Variants in GRIK4 observed in about 807,000 individuals in gnomAD.
GRIK4 encodes glutamate receptor ionotropic, kainate 4.
A neutral mutation model predicts 104.9 loss-of-function variants in GRIK4; 40 were observed. That is an observed-to-expected ratio of 0.38 (90% CI 0.30 to 0.50). The LOEUF (loss-of-function observed/expected upper bound fraction) is 0.50. Among genes scored for constraint, GRIK4 ranks in the 20% least tolerant of loss-of-function variants. The probability of loss-of-function intolerance (pLI) is 0.93; values close to 1 mark genes in which losing one functional copy is unlikely to be tolerated. For missense variants in GRIK4, 1,047 were observed against 1,308.1 expected (o/e 0.80, Z 3.08); for synonymous variants, 485 against 524.9 (o/e 0.92, Z 1.04).
At chr11:120,854,311 C>A (rs1413602645) in intron 8 of GRIK4, among the ~76,000 whole-genome samples, 2 of 152,192 alleles carry the variant, frequency 1.3e-5, no homozygotes, top group African/African-American at 2.4e-5. Flanking sequence ...TGAAACCCCA[C>A]TGTTAAGGGG....
rs144670857 is a variant in GRIK4, at chr11:120,556,395, A to T, written c.-159+44508A>T. Among the ~76,000 whole-genome samples the T allele has an allele frequency of 2.3e-3, 348 of 152,244 alleles. 2 individuals carry two copies. The highest frequency in any genetic ancestry group is 7.5e-3 in the African/African-American group (312 of 41,522). ...TCCACTCCCCCAGTCTGTTCTTCAC[A>T]TCACAGCCAGAGTAAAGCTTTTAAA... On this transcript the variant is annotated intron_variant, in intron 1 of 20. Coordinates refer to ENST00000527524, the MANE Select transcript of GRIK4 (RefSeq NM_014619.5).
At chr11:120,559,634 G>T (rs1021551992) in intron 1 of GRIK4, among the ~76,000 whole-genome samples, 3 of 152,132 alleles carry the variant, frequency 2.0e-5, no homozygotes, top group Non-Finnish European at 4.4e-5. Context: ...ATTACTCAGG[G>T]TCATTATTAT....
At chr11:120,537,127 G>C (rs1237736087) in intron 1 of GRIK4, among the ~76,000 whole-genome samples, 3 of 152,216 alleles carry the variant, frequency 2.0e-5, no homozygotes, top group Non-Finnish European at 4.4e-5. Context: ...AAAAGACAGA[G>C]GACTCAGGGT....
intron 1 of GRIK4, among the ~76,000 whole-genome samples, chr11:120,526,278 C>T (rs144454834): frequency 2.4e-4 from 36 of 152,224 alleles, no homozygotes; most frequent in African/African-American, 7.5e-4. Context: ...CTCCATCTCC[C>T]GGGCTCAGGG....
chr11:120,636,540 C>T (rs1361085723), intron 1 of GRIK4, among the ~76,000 whole-genome samples: 2 of 152,086 alleles, frequency 1.3e-5, no homozygotes, highest in Non-Finnish European at 2.9e-5. Flanking sequence ...GGATTCTTCC[C>T]TAGAAAGACT....
intron 3 of GRIK4, among the ~76,000 whole-genome samples, chr11:120,745,861 C>T (rs1201868779): frequency 1.3e-5 from 2 of 152,172 alleles, no homozygotes; most frequent in Admixed American, 6.5e-5. Context: ...GAGAGGTGTT[C>T]AGGAGGGTAG....
intron 1 of GRIK4, among the ~76,000 whole-genome samples, chr11:120,512,483 C>G (rs1024801351): frequency 4.6e-5 from 7 of 152,088 alleles, no homozygotes; most frequent in Admixed American, 2.6e-4. Context: ...CCACACCCCC[C>G]CACCCTGCAC....
At chr11:120,982,867 CCG>C (rs1306062590) in intron 20 of GRIK4, among the ~76,000 whole-genome samples, 3 of 152,206 alleles carry the variant, frequency 2.0e-5, no homozygotes, top group Admixed American at 2.0e-4. Context: ...CCCTGGAAGT[CCG>C]TGGAGTCTGG....
intron 3 of GRIK4, among the ~76,000 whole-genome samples, chr11:120,741,440 A>G (rs1303056205): frequency 6.6e-6 from 1 of 151,704 alleles, no homozygotes; most frequent in African/African-American, 2.4e-5. Context: ...CACCACGCCC[A>G]GCTAATTTTT....
chr11:120,910,298 T>C (rs1353256414), intron 13 of GRIK4, among the ~76,000 whole-genome samples: 1 of 152,226 alleles, frequency 6.6e-6, no homozygotes, highest in Admixed American at 6.5e-5. Flanking sequence ...TCAAGCATAT[T>C]TTCTGCATAT....
intron 1 of GRIK4, among the ~76,000 whole-genome samples, chr11:120,622,995 C>T (rs1168759890): frequency 4.6e-5 from 7 of 152,192 alleles, no homozygotes; most frequent in Admixed American, 3.3e-4. Flanking sequence ...TCATGTGGGT[C>T]GCCTTTTAAC....
chr11:120,531,004 C>A (rs896092183), intron 1 of GRIK4, among the ~76,000 whole-genome samples: 3 of 152,238 alleles, frequency 2.0e-5, no homozygotes, highest in Non-Finnish European at 4.4e-5. Flanking sequence ...AGTTTCCTCT[C>A]TGCAGAGTGG....
At chr11:120,527,532 A>G (rs954837153) in intron 1 of GRIK4, among the ~76,000 whole-genome samples, 2 of 152,122 alleles carry the variant, frequency 1.3e-5, no homozygotes, top group Non-Finnish European at 2.9e-5. Flanking sequence ...CTGGGGATTT[A>G]TCTCCTCCCA....
At chr11:120,861,392 GCCACTGCAC>G (rs1954260189) in intron 8 of GRIK4, among the ~76,000 whole-genome samples, 1 of 152,124 alleles carries the variant, frequency 6.6e-6, no homozygotes, top group South Asian at 2.1e-4. Context: ...ATGAGCGTGA[GCCACTGCAC>G]CCGGCCCTAT....
At chr11:120,745,856 G>A (rs895258851) in intron 3 of GRIK4, among the ~76,000 whole-genome samples, 1 of 152,198 alleles carries the variant, frequency 6.6e-6, no homozygotes, top group African/African-American at 2.4e-5. Flanking sequence ...GACTTGAGAG[G>A]TGTTCAGGAG....
intron 2 of GRIK4, among the ~76,000 whole-genome samples, chr11:120,657,645 G>T: frequency 6.6e-6 from 1 of 152,222 alleles, no homozygotes; most frequent in East Asian, 1.9e-4. Context: ...TGCTCTCAGA[G>T]CCATGCCTGG....
intron 12 of GRIK4, among the ~76,000 whole-genome samples, chr11:120,900,915 C>T (rs1942718362): frequency 6.6e-6 from 1 of 152,174 alleles, no homozygotes. Context: ...GCTGAGTCCA[C>T]TTTGGGGGAG....
At chr11:120,874,296 C>A (rs1954707565) in intron 10 of GRIK4, 78 bp downstream of exon 10, 2 of 1,184,114 alleles carry the variant, frequency 1.7e-6, no homozygotes, top group South Asian at 2.8e-5. Flanking sequence ...ACAAGAGTCC[C>A]TCAACTCCAG....
At chr11:120,636,481 A>G (rs1949398149) in intron 1 of GRIK4, among the ~76,000 whole-genome samples, 1 of 152,218 alleles carries the variant, frequency 6.6e-6, no homozygotes, top group African/African-American at 2.4e-5. Context: ...CTTGATATCT[A>G]AGAAGAGCAG....
Sources: allele counts gnomAD v4.1 joint callset (sites outside exome capture counted in the v4.1 genomes callset), GRCh38; gene constraint gnomAD v4.1.1; transcripts MANE v1.5; gene names NCBI Gene and HGNC (gene_info 2026-07-23, HGNC 2026-07-21).